Variants in MYO1H observed in about 807,000 individuals in gnomAD.
The protein encoded by MYO1H is unconventional myosin-Ih.
MYO1H carries 118 observed loss-of-function variants against 149.3 expected under a neutral mutation model. That is an observed-to-expected ratio of 0.79 (90% confidence interval 0.68 to 0.92). The LOEUF is 0.92. Among genes scored for constraint, MYO1H ranks in the 40% least tolerant of loss-of-function variants. MYO1H has a pLI of 0.00. For synonymous variants in MYO1H, 447 were observed against 465.2 expected (o/e 0.96, Z 0.50); for missense variants, 1,212 against 1,280.7 (o/e 0.95, Z 0.82).
At chr12:109,346,344 C>A (rs867738907), upstream of MYO1H, among the ~76,000 whole-genome samples, 3 of 152,166 alleles carry the variant, frequency 2.0e-5, no homozygotes, top group Non-Finnish European at 4.4e-5. Context: ...GTCCTGGAAC[C>A]AATCCCCCAC....
At chr12:109,414,476 C>CAAAAAAAAAAAAAAA (rs1158287635) in intron 14 of MYO1H, among the ~76,000 whole-genome samples, 1 of 57,402 alleles carries the variant, frequency 1.7e-5, no homozygotes, top group Non-Finnish European at 3.6e-5. Flanking sequence ...GACTCCATCT[C>CAAAAAAAAAAAAAAA]AAAAAAAAAA....
exon 7 of MYO1H, chr12:109,404,019 A>G (rs2137053566): frequency 6.2e-7 from 1 of 1,613,866 alleles, no homozygotes; most frequent in East Asian, 2.2e-5. Flanking sequence ...AGTGACAAGA[A>G]TGACTGGAAA....
the MYO1H span, among the ~76,000 whole-genome samples, chr12:109,313,379 G>A: frequency 2.6e-5 from 4 of 152,136 alleles, no homozygotes; most frequent in South Asian, 8.3e-4. Flanking sequence ...CTGTGGAGCC[G>A]CCATTTAATG....
intron 1 of MYO1H, among the ~76,000 whole-genome samples, chr12:109,358,297 C>T (rs1868655482): frequency 6.6e-6 from 1 of 151,956 alleles, no homozygotes; most frequent in Non-Finnish European, 1.5e-5. Flanking sequence ...AACCTGAAGT[C>T]CTGGTTGGTT....
At chr12:109,446,453 A>G (rs1246764676) in intron 31 of MYO1H, 1 of 985,352 alleles carries the variant, frequency 1.0e-6, no homozygotes, top group Admixed American at 6.1e-5. Context: ...TTTAAATTTA[A>G]GTGGATTTAC....
At chr12:109,428,282 G>A (rs906352776) in intron 19 of MYO1H, among the ~76,000 whole-genome samples, 2 of 151,994 alleles carry the variant, frequency 1.3e-5, no homozygotes, top group Non-Finnish European at 2.9e-5. Flanking sequence ...GTGACCGTAG[G>A]GCCTGGTTTA....
chr12:109,310,912 G>A, the MYO1H span, among the ~76,000 whole-genome samples: 4 of 152,218 alleles, frequency 2.6e-5, no homozygotes, highest in Non-Finnish European at 4.4e-5. Context: ...TATTTAAAAT[G>A]TGTGTTTTGA....
At chr12:109,442,163 T>C in intron 26 of MYO1H, 54 bp from the exon 27 acceptor site, 1 of 1,500,266 alleles carries the variant, frequency 6.7e-7, no homozygotes, top group Non-Finnish European at 9.3e-7. Flanking sequence ...CAATGACTTT[T>C]CCACAGGATT....
intron 6 of MYO1H, among the ~76,000 whole-genome samples, chr12:109,403,257 T>G (rs572749195): frequency 6.6e-6 from 1 of 152,060 alleles, no homozygotes; most frequent in Admixed American, 6.6e-5. Flanking sequence ...TAAAAAAAAA[T>G]TTTTATATCG....
chr12:109,442,224 A>G, exon 27 of MYO1H: 2 of 1,613,800 alleles, frequency 1.2e-6, no homozygotes, highest in Non-Finnish European at 1.7e-6. Context: ...TAGATGAAGG[A>G]GACATTAATC....
intron 14 of MYO1H, among the ~76,000 whole-genome samples, chr12:109,413,552 A>ATAT (rs1158409947): frequency 6.6e-6 from 1 of 152,240 alleles, no homozygotes; most frequent in African/African-American, 2.4e-5. Flanking sequence ...AAATGGAATA[A>ATAT]TATATCACTG....
chr12:109,318,972 G>GTTTTTTTTTTTTTTTTTTTT, the MYO1H span, among the ~76,000 whole-genome samples: 30 of 77,254 alleles, frequency 3.9e-4, no homozygotes, highest in East Asian at 3.1e-3. Flanking sequence ...TTTTGGTTTT[G>GTTTTTTTTTTTTTTTTTTTT]TTTTTTTTTT....
chr12:109,408,007 T>C (rs1487145570), intron 10 of MYO1H, 94 bp downstream of exon 10: 2 of 1,516,156 alleles, frequency 1.3e-6, no homozygotes, highest in Non-Finnish European at 1.8e-6. Flanking sequence ...GAGAATGAAC[T>C]GTGGGCGCCT....
At chr12:109,402,494 C>T (rs1870207409) in intron 6 of MYO1H, among the ~76,000 whole-genome samples, 4 of 152,144 alleles carry the variant, frequency 2.6e-5, no homozygotes, top group Admixed American at 2.6e-4. Context: ...CAGGCTGGGG[C>T]ACGGTGGCTC....
At chr12:109,387,222 C>T (rs1869379557) in intron 1 of MYO1H, among the ~76,000 whole-genome samples, 2 of 152,180 alleles carry the variant, frequency 1.3e-5, no homozygotes, top group Admixed American at 1.3e-4. Flanking sequence ...TGAGCCACCA[C>T]ACACAACTGC....
rs923959036 is a variant in MYO1H at position 109,347,991 on chromosome 12, T to G, written c.12+19T>G. On this transcript the variant is annotated intron_variant, in intron 1 of 31. Transcript: ENST00000310903. ...ATCCAAGGTAATGTGACTTGAACAC[T>G]AGAAGGTGGTTACACCTGGTGACCT... 12 of 398,972 alleles carry G rather than the reference T, an allele frequency of 3.0e-5. No homozygotes were observed. Among genetic ancestry groups the G allele is most frequent in the Non-Finnish European group, 4.4e-5 (10 of 226,088 alleles). 24.7% of individuals were successfully genotyped at this position (398,972 alleles called of 1,614,324 possible).
chr12:109,433,178 G>A (rs1825928106), intron 20 of MYO1H, among the ~76,000 whole-genome samples, 168 bp downstream of exon 20: 1 of 152,192 alleles, frequency 6.6e-6, no homozygotes, highest in Non-Finnish European at 1.5e-5. Flanking sequence ...TAATTCTTTA[G>A]AAGAGCTATG....
At chr12:109,321,277 G>C in the MYO1H span, among the ~76,000 whole-genome samples, 1 of 152,250 alleles carries the variant, frequency 6.6e-6, no homozygotes, top group African/African-American at 2.4e-5. Context: ...CTGAGGCCAG[G>C]CATGGTGGCT....
intron 31 of MYO1H, chr12:109,446,576 C>T: frequency 4.8e-6 from 2 of 413,376 alleles, no homozygotes; most frequent in South Asian, 1.0e-4. Flanking sequence ...CCAGTCTGGC[C>T]AACATGGTGA....
Sources: gnomAD v4.1 joint callset for allele counts (sites outside exome capture counted in the v4.1 genomes callset) on GRCh38, gnomAD v4.1.1 for gene constraint, MANE v1.5 for transcripts, NCBI Gene and HGNC (gene_info 2026-07-23, HGNC 2026-07-21) for gene names.